Variants in GABRG3 observed in about 807,000 individuals in gnomAD.
The protein encoded by GABRG3 is gamma-aminobutyric acid type A receptor subunit gamma3, also known as gamma-aminobutyric acid receptor subunit gamma-3.
GABRG3 carries 25 observed loss-of-function variants against 48.8 expected under a neutral mutation model. That is an observed-to-expected ratio of 0.51 (90% CI 0.37 to 0.72). The LOEUF is 0.72. GABRG3 is among the 30% of genes least tolerant of loss of function. GABRG3 has a pLI of 0.00. For missense variants in GABRG3, 394 were observed against 577.9 expected (o/e 0.68, Z 3.26); for synonymous variants, 227 against 217.6 (o/e 1.04, Z -0.38).
chr15:27,304,012 G>GA (rs1264538748), intron 3 of GABRG3, among the ~76,000 whole-genome samples: 1 of 151,874 alleles, frequency 6.6e-6, no homozygotes, highest in South Asian at 2.1e-4. Flanking sequence ...AATTTAAACA[G>GA]AAAAAACATT....
intron 5 of GABRG3, chr15:27,362,433 A>G (rs1324618764): frequency 6.6e-6 from 1 of 152,182 alleles, no homozygotes; most frequent in Non-Finnish European, 1.5e-5. Context: ...TGAGGTTTGA[A>G]TCAGCCTGTG....
intron 3 of GABRG3, among the ~76,000 whole-genome samples, chr15:27,054,244 G>GA (rs112410426): frequency 0.01 from 1,435 of 139,474 alleles, 12 homozygotes; most frequent in African/African-American, 0.032. Context: ...ATCTCAAAAA[G>GA]AAAAAAAAAA....
chr15:27,396,101 C>T (rs1347002234), intron 5 of GABRG3, among the ~76,000 whole-genome samples: 1 of 152,150 alleles, frequency 6.6e-6, no homozygotes, highest in Non-Finnish European at 1.5e-5. Flanking sequence ...GGCCCTCAAG[C>T]AAACTGCCTG....
chr15:27,293,774 G>A (rs1566760169), intron 3 of GABRG3, among the ~76,000 whole-genome samples: 1 of 151,968 alleles, frequency 6.6e-6, no homozygotes. Flanking sequence ...AATGTTAAGA[G>A]GTATTCATTT....
chr15:27,293,700 A>AC (rs1891878622), intron 3 of GABRG3, among the ~76,000 whole-genome samples: 1 of 152,072 alleles, frequency 6.6e-6, no homozygotes, highest in South Asian at 2.1e-4. Context: ...CAAAAAAAAA[A>AC]ACAGAACAAA....
intron 9 of GABRG3, 51 bp from the exon 10 acceptor site, chr15:27,532,549 T>G: frequency 6.4e-7 from 1 of 1,564,248 alleles, no homozygotes; most frequent in Non-Finnish European, 8.7e-7. Flanking sequence ...CACCTCAGGG[T>G]GTTTTTATTG....
At position 27,535,674 on chromosome 15, in the gene GABRG3, C is replaced by T. The variant is rs572132395; in HGVS notation, c.*2793C>T. 2.6e-5 allele frequency: 4 copies of T among 152,242 alleles called. No individual in the cohort carries two copies. Among genetic ancestry groups the T allele is most frequent in the African/African-American group, 4.8e-5 (2 of 41,464 alleles). The allele number at this position is 152,242 out of a possible 1,614,324, so 9.4% of individuals were successfully genotyped here. On this transcript the variant is annotated 3_prime_UTR_variant, in exon 10 of 10. Coordinates refer to ENST00000615808, the MANE Select transcript of GABRG3 (RefSeq NM_033223.5). ...AAGAGCATGTCCATGCCGGGTTCTC[C>T]GCAGGCTTGCATAATTCAAGTTCTC...
intron 9 of GABRG3, among the ~76,000 whole-genome samples, chr15:27,528,692 T>G (rs1395339541): frequency 9.2e-6 from 1 of 108,154 alleles, no homozygotes; most frequent in Non-Finnish European, 2.0e-5. Context: ...CATTGGCATT[T>G]CTTTGACTAT....
chr15:27,248,415 T>C (rs914473994), intron 3 of GABRG3, among the ~76,000 whole-genome samples: 7 of 152,272 alleles, frequency 4.6e-5, no homozygotes, highest in African/African-American at 1.7e-4. Context: ...GGCCTCCCAC[T>C]AGTCCTGTGG....
chr15:27,512,304 C>G (rs1890915244), intron 6 of GABRG3, among the ~76,000 whole-genome samples: 1 of 152,084 alleles, frequency 6.6e-6, no homozygotes, highest in Middle Eastern at 3.4e-3. Flanking sequence ...TGGTTGGAAT[C>G]TGAGCATGTT....
chr15:27,217,230 T>C (rs1049781088), intron 3 of GABRG3, among the ~76,000 whole-genome samples: 19 of 152,334 alleles, frequency 1.2e-4, no homozygotes, highest in Non-Finnish European at 2.2e-4. Context: ...CGTATGTTTA[T>C]TGCGGCACTA....
chr15:27,302,898 C>T (rs1892260057), intron 3 of GABRG3, among the ~76,000 whole-genome samples: 1 of 151,536 alleles, frequency 6.6e-6, no homozygotes, highest in Non-Finnish European at 1.5e-5. Flanking sequence ...GAGGAAGTCT[C>T]AAGGGAAATT....
rs531496757 is a variant in GABRG3, at chr15:27,278,297, G to A, written c.271-48512G>A. The stretch of plus-strand genomic sequence containing the variant: ...AAACTCCTGACCTTGTGATCCGCCC[G>A]CCTCGGCCTCCCCAAATGCTGAAAT... On this transcript the variant is annotated intron_variant, in intron 3 of 9. Coordinates refer to ENST00000615808, the MANE Select transcript of GABRG3 (RefSeq NM_033223.5). Among the ~76,000 whole-genome samples, 179 of 152,130 alleles carry A rather than the reference G, an allele frequency of 1.2e-3. 1 individual carries two copies. Among genetic ancestry groups the A allele is most frequent in the Non-Finnish European group, 2.1e-3 (145 of 67,986 alleles).
chr15:27,134,120 C>G (rs1897966809), intron 3 of GABRG3, among the ~76,000 whole-genome samples: 1 of 152,154 alleles, frequency 6.6e-6, no homozygotes, highest in Non-Finnish European at 1.5e-5. Flanking sequence ...CCATAGGCAT[C>G]AGAAAGAATG....
At chr15:27,240,301 G>A (rs762968945) in intron 3 of GABRG3, among the ~76,000 whole-genome samples, 1 of 152,220 alleles carries the variant, frequency 6.6e-6, no homozygotes, top group Non-Finnish European at 1.5e-5. Flanking sequence ...ACACACGTGA[G>A]CGCTCAGAAC....
intron 3 of GABRG3, among the ~76,000 whole-genome samples, chr15:27,258,927 A>G (rs932694470): frequency 6.6e-6 from 1 of 152,104 alleles, no homozygotes; most frequent in Non-Finnish European, 1.5e-5. Context: ...CCCAGCCTCT[A>G]ATACTCAGTT....
At chr15:27,104,582 A>G (rs1313684622) in intron 3 of GABRG3, among the ~76,000 whole-genome samples, 2 of 152,226 alleles carry the variant, frequency 1.3e-5, no homozygotes, top group African/African-American at 4.8e-5. Context: ...ACAGACACCA[A>G]CGAGGCATGG....
intron 3 of GABRG3, among the ~76,000 whole-genome samples, chr15:27,222,640 C>T (rs1265214357): frequency 6.6e-6 from 1 of 152,156 alleles, no homozygotes; most frequent in Non-Finnish European, 1.5e-5. Flanking sequence ...AATGCACAAC[C>T]CCAAGAGAGG....
intron 5 of GABRG3, among the ~76,000 whole-genome samples, chr15:27,390,928 A>C (rs1595723834): frequency 6.6e-6 from 1 of 152,266 alleles, no homozygotes; most frequent in East Asian, 1.9e-4. Flanking sequence ...ATCTCTACTA[A>C]AAATACAAAA....
Sources: allele counts gnomAD v4.1 joint callset (sites outside exome capture counted in the v4.1 genomes callset), GRCh38; gene constraint gnomAD v4.1.1; transcripts MANE v1.5; gene names NCBI Gene and HGNC (gene_info 2026-07-23, HGNC 2026-07-21).